Variants in HS3ST4 observed in about 807,000 individuals in gnomAD.
HS3ST4 encodes the protein heparan sulfate-glucosamine 3-sulfotransferase 4, also known as heparan sulfate glucosamine 3-O-sulfotransferase 4.
Under a neutral mutation model 29.2 loss-of-function variants are expected in HS3ST4, and 17 were observed. That is an observed-to-expected ratio of 0.58 (90% CI 0.40 to 0.87). The LOEUF is 0.87. HS3ST4 is among the 40% of genes least tolerant of loss of function. HS3ST4 has a pLI of 0.00. For synonymous variants in HS3ST4, 314 were observed against 285.7 expected, an observed-to-expected ratio of 1.10 and a Z score of -1.00; for missense variants, 627 against 634.5, an observed-to-expected ratio of 0.99 and a Z score of 0.13.
chr16:26,052,463 T>C (rs1298778797), intron 1 of HS3ST4, among the ~76,000 whole-genome samples: 1 of 152,158 alleles, frequency 6.6e-6, no homozygotes, highest in Non-Finnish European at 1.5e-5. Flanking sequence ...CTCTGCCTCC[T>C]GGGTTCAAGT....
intron 1 of HS3ST4, among the ~76,000 whole-genome samples, chr16:25,894,100 C>T (rs921271114): frequency 4.6e-5 from 7 of 152,152 alleles, no homozygotes; most frequent in Non-Finnish European, 7.3e-5. Context: ...TCGCTATTTT[C>T]TTACCCTGAA....
At chr16:26,028,970 G>A (rs568892728) in intron 1 of HS3ST4, 1 of 152,416 alleles carries the variant, frequency 6.6e-6, no homozygotes, top group African/African-American at 2.4e-5. Context: ...AAACTAAGCA[G>A]GGTCAGGCCT....
chr16:25,788,540 C>CTTTTTTTTTTTTTTTTTTTTTTTT (rs34729954), intron 1 of HS3ST4, among the ~76,000 whole-genome samples: 1 of 99,070 alleles, frequency 1.0e-5, no homozygotes, highest in Non-Finnish European at 1.9e-5. Context: ...TTCTTTTCTT[C>CTTTTTTTTTTTTTTTTTTTTTTTT]TTTCTTTTTT....
intron 1 of HS3ST4, among the ~76,000 whole-genome samples, chr16:25,767,368 T>G (rs1041510691): frequency 1.3e-5 from 2 of 151,952 alleles, no homozygotes; most frequent in African/African-American, 4.8e-5. Flanking sequence ...ATGTGTCAAA[T>G]TAGTGAAGGG....
At chr16:25,830,505 A>G (rs905785531) in intron 1 of HS3ST4, among the ~76,000 whole-genome samples, 1 of 152,164 alleles carries the variant, frequency 6.6e-6, no homozygotes, top group Admixed American at 6.5e-5. Context: ...GACCCCTCTG[A>G]CTACTTCTCT....
chr16:25,827,431 G>A (rs1967230396), intron 1 of HS3ST4, among the ~76,000 whole-genome samples: 1 of 150,958 alleles, frequency 6.6e-6, no homozygotes, highest in Admixed American at 6.6e-5. Context: ...AGCATTCACT[G>A]ACAAGTCAGA....
chr16:26,083,994 G>A (rs768761520), intron 1 of HS3ST4, among the ~76,000 whole-genome samples: 9 of 152,204 alleles, frequency 5.9e-5, no homozygotes, highest in Non-Finnish European at 1.0e-4. Context: ...TCCTGAGACA[G>A]GAGTGAGCAC....
At chr16:25,725,795 T>A (rs1966531216) in intron 1 of HS3ST4, among the ~76,000 whole-genome samples, 1 of 151,038 alleles carries the variant, frequency 6.6e-6, no homozygotes, top group Non-Finnish European at 1.5e-5. Flanking sequence ...ATTAAATAAA[T>A]GCATATATTT....
chr16:25,783,500 T>C (rs1440745639), intron 1 of HS3ST4, among the ~76,000 whole-genome samples: 1 of 151,490 alleles, frequency 6.6e-6, no homozygotes, highest in Non-Finnish European at 1.5e-5. Context: ...AGTGGCATAA[T>C]GACAATTTCC....
At chr16:25,843,053 A>G (rs1373638162) in intron 1 of HS3ST4, among the ~76,000 whole-genome samples, 2 of 152,210 alleles carry the variant, frequency 1.3e-5, no homozygotes, top group East Asian at 3.8e-4. Context: ...CCATAGGAAT[A>G]TTTTCTTCTT....
intron 1 of HS3ST4, among the ~76,000 whole-genome samples, chr16:25,926,835 T>C (rs765690671): frequency 1.5e-4 from 23 of 152,204 alleles, no homozygotes; most frequent in Non-Finnish European, 3.2e-4. Flanking sequence ...CCATGCCTAA[T>C]GGTTTTCCTA....
intron 1 of HS3ST4, among the ~76,000 whole-genome samples, chr16:25,736,843 T>C (rs2141595937): frequency 6.6e-6 from 1 of 152,176 alleles, no homozygotes; most frequent in East Asian, 1.9e-4. Context: ...CTGCTGGTTT[T>C]TCTTTTCTTT....
At chr16:25,917,918 A>G in intron 1 of HS3ST4, among the ~76,000 whole-genome samples, 1 of 152,208 alleles carries the variant, frequency 6.6e-6, no homozygotes, top group East Asian at 1.9e-4. Flanking sequence ...AGACTTGTTC[A>G]GGGCAAAGCT....
chr16:25,999,669 A>C (rs1169365417), intron 1 of HS3ST4, among the ~76,000 whole-genome samples: 2 of 148,536 alleles, frequency 1.3e-5, no homozygotes, highest in Non-Finnish European at 3.0e-5. Context: ...TTTTCCTCTG[A>C]GGACTACTTT....
Position 25,882,985 on chromosome 16 carries a change from T to C in HS3ST4, c.734+189834T>C, listed in dbSNP as rs1967909438. Among the ~76,000 whole-genome samples, 4 of 152,084 alleles carry C rather than the reference T, an allele frequency of 2.6e-5. 1 individual carries two copies. The South Asian group carries it at 8.3e-4, about 32-fold the overall frequency. On this transcript the variant is annotated intron_variant, in intron 1 of 1. Transcript: ENST00000331351. Reference sequence around the variant, plus strand: ...AGAGAACTCATGGATCTTGCTCACTTTCCTGGTCTCCACTTGAGATGTGAA... The same window carrying C: ...AGAGAACTCATGGATCTTGCTCACTCTCCTGGTCTCCACTTGAGATGTGAA...
intron 1 of HS3ST4, among the ~76,000 whole-genome samples, chr16:25,774,068 CCA>C (rs1966845330): frequency 6.6e-6 from 1 of 152,168 alleles, no homozygotes; most frequent in Admixed American, 6.5e-5. Context: ...CAGAAATACC[CCA>C]GTTTCTGAAA....
At chr16:25,926,937 G>C (rs1007945314) in intron 1 of HS3ST4, among the ~76,000 whole-genome samples, 1 of 152,158 alleles carries the variant, frequency 6.6e-6, no homozygotes, top group Admixed American at 6.6e-5. Flanking sequence ...TCCCTCTGAA[G>C]GGGTGGGACT....
intron 1 of HS3ST4, among the ~76,000 whole-genome samples, chr16:25,896,250 C>A (rs1025326308): frequency 2.6e-5 from 4 of 152,116 alleles, no homozygotes; most frequent in African/African-American, 9.7e-5. Context: ...AGAGCCAAGT[C>A]AAAAATAATA....
chr16:25,784,330 C>T (rs1179555763), intron 1 of HS3ST4, among the ~76,000 whole-genome samples: 4 of 151,914 alleles, frequency 2.6e-5, no homozygotes, highest in Non-Finnish European at 4.4e-5. Context: ...ATGTCTCTCA[C>T]TTTAAATCAG....
Sources: gnomAD v4.1 joint callset for allele counts (sites outside exome capture counted in the v4.1 genomes callset) on GRCh38, gnomAD v4.1.1 for gene constraint, MANE v1.5 for transcripts, NCBI Gene and HGNC (gene_info 2026-07-23, HGNC 2026-07-21) for gene names.